The following AHI1 variants were observed in gnomAD, a reference collection of about 807,000 sequenced individuals.
The protein encoded by AHI1 is jouberin.
A neutral mutation model predicts 149.3 loss-of-function variants in AHI1; 123 were observed. That is an observed-to-expected ratio of 0.82 (90% confidence interval 0.71 to 0.96). AHI1 has a LOEUF of 0.96. AHI1 is among the 40% of genes least tolerant of loss of function. The probability of loss-of-function intolerance (pLI) is 0.00; values close to 1 mark genes in which losing one functional copy is unlikely to be tolerated. For missense variants in AHI1, 1,439 were observed against 1,422.7 expected (o/e 1.01, Z -0.18); for synonymous variants, 475 against 459.8 (o/e 1.03, Z -0.42).
chr6:135,385,671 A>G (rs1048751634), intron 23 of AHI1, among the ~76,000 whole-genome samples: 1 of 152,364 alleles, frequency 6.6e-6, no homozygotes, highest in African/African-American at 2.4e-5. Flanking sequence ...TGGAATCAGC[A>G]TATTTGTATG....
intron 7 of AHI1, 146 bp from the exon 8 acceptor site, chr6:135,463,452 T>C (rs1299101192): frequency 1.1e-5 from 7 of 642,456 alleles, no homozygotes; most frequent in African/African-American, 1.9e-5. Flanking sequence ...TGTATTTTCT[T>C]ATACACTAAA....
intron 27 of AHI1, among the ~76,000 whole-genome samples, chr6:135,297,023 T>C (rs1402676482): frequency 2.6e-5 from 4 of 152,208 alleles, no homozygotes; most frequent in East Asian, 1.9e-4. Flanking sequence ...ATTTTCCCAA[T>C]TGGACTGATG....
In AHI1 at chr6:135,367,591, G is replaced by C. The variant is rs117788384; in HGVS notation, c.3110-9404C>G. Among the ~76,000 whole-genome samples, 196 of 152,174 alleles carry C rather than the reference G, an allele frequency of 1.3e-3. No individual in the cohort carries two copies. The Middle Eastern group carries it at 0.017, about 13-fold the overall frequency. ...TGTCTTTGTCGGCTTGGGTCAATTA[G>C]AAAGCCTTGTCTTTCAGCTCTTATG... On this transcript the variant is annotated intron_variant, in intron 23 of 28. Coordinates refer to ENST00000265602, the MANE Select transcript of AHI1 (RefSeq NM_001134831.2).
intron 23 of AHI1, among the ~76,000 whole-genome samples, chr6:135,393,283 A>C (rs1420552535): frequency 6.6e-6 from 1 of 152,174 alleles, no homozygotes; most frequent in Non-Finnish European, 1.5e-5. Flanking sequence ...AATGAAAAAA[A>C]AATTTGTATG....
chr6:135,335,015 T>C (rs1789165492), intron 24 of AHI1, among the ~76,000 whole-genome samples: 1 of 152,222 alleles, frequency 6.6e-6, no homozygotes. Context: ...TTATAAGACA[T>C]ATATACTTAT....
intron 26 of AHI1, chr6:135,302,295 C>T: frequency 2.0e-6 from 2 of 985,492 alleles, no homozygotes; most frequent in Non-Finnish European, 2.4e-6. Context: ...CAGAAATTCT[C>T]ATCAATTTGA....
At chr6:135,494,718 G>T (rs118069305) in intron 3 of AHI1, among the ~76,000 whole-genome samples, 1 of 152,124 alleles carries the variant, frequency 6.6e-6, no homozygotes, top group Non-Finnish European at 1.5e-5. Context: ...CTGAAGATTT[G>T]GGAGTTATTT....
At chr6:135,415,476 T>C (rs571738927) in intron 20 of AHI1, among the ~76,000 whole-genome samples, 2 of 152,316 alleles carry the variant, frequency 1.3e-5, no homozygotes, top group South Asian at 4.1e-4. Context: ...CCAGCACCTG[T>C]TGTTTCCTGA....
At chr6:135,333,920 TA>T (rs1379730046) in intron 24 of AHI1, among the ~76,000 whole-genome samples, 1 of 152,234 alleles carries the variant, frequency 6.6e-6, no homozygotes, top group Non-Finnish European at 1.5e-5. Flanking sequence ...TTGAAAATAT[TA>T]ATTTATTGGA....
intron 20 of AHI1, among the ~76,000 whole-genome samples, chr6:135,419,932 C>T (rs1352026810): frequency 6.6e-6 from 1 of 152,148 alleles, no homozygotes; most frequent in Non-Finnish European, 1.5e-5. Context: ...TTGTTGTCAT[C>T]TCAACAATGT....
intron 27 of AHI1, among the ~76,000 whole-genome samples, chr6:135,296,447 T>G (rs1422220255): frequency 6.6e-6 from 1 of 152,230 alleles, no homozygotes; most frequent in Admixed American, 6.5e-5. Flanking sequence ...AGTCTTATAA[T>G]AGTATATAAG....
rs144861952 is a variant in AHI1, at chr6:135,375,128, A to T, written c.3110-16941T>A. On this transcript the variant is annotated intron_variant, in intron 23 of 28. Transcript: ENST00000265602. ...AAGTCGAGGAGTATCTAGTTGGAAC[A>T]TCCCATGTTGTGTGACAAGACAATG... Among the ~76,000 whole-genome samples, 101 of 152,304 alleles carry T rather than the reference A, an allele frequency of 6.6e-4. 1 individual carries two copies. Among genetic ancestry groups the T allele is most frequent in the Non-Finnish European group, 1.3e-3 (87 of 68,020 alleles).
At chr6:135,297,585 T>C in intron 27 of AHI1, 1 of 450,850 alleles carries the variant, frequency 2.2e-6, no homozygotes, top group Non-Finnish European at 4.5e-6. Context: ...TCATCTGACC[T>C]GTAATGCTTC....
intron 7 of AHI1, 141 bp from the exon 8 acceptor site, chr6:135,463,447 T>C (rs1790247245): frequency 4.6e-6 from 3 of 653,918 alleles, no homozygotes; most frequent in Admixed American, 6.8e-5. Context: ...ATGCATGTAT[T>C]TTCTTATACA....
At chr6:135,374,093 T>C (rs1775482459) in intron 23 of AHI1, among the ~76,000 whole-genome samples, 3 of 19,524 alleles carry the variant, frequency 1.5e-4, no homozygotes. Context: ...TATATATATA[T>C]ATATATATAT....
rs146044077 is a variant in AHI1 at position 135,351,392 on chromosome 6, T to C, written c.3165+6740A>G. ...ACAAATATATCGAGTGAGGTCCTATTTGCATAAACTCATTCCTCATAACAT... is the reference window on the plus strand; with the variant it reads ...ACAAATATATCGAGTGAGGTCCTATCTGCATAAACTCATTCCTCATAACAT... On this transcript the variant is annotated intron_variant, in intron 24 of 28. Coordinates refer to ENST00000265602, the MANE Select transcript of AHI1 (RefSeq NM_001134831.2). Among the ~76,000 whole-genome samples the C allele has an allele frequency of 2.5e-3, 382 of 152,316 alleles. 5 individuals carry two copies. Among genetic ancestry groups the C allele is most frequent in the African/African-American group, 8.4e-3 (350 of 41,574 alleles).
intron 24 of AHI1, among the ~76,000 whole-genome samples, chr6:135,356,776 G>T (rs1240222009): frequency 6.6e-6 from 1 of 151,938 alleles, no homozygotes; most frequent in Non-Finnish European, 1.5e-5. Flanking sequence ...TCTTTTTAAT[G>T]ATTATGCTAA....
intron 18 of AHI1, 63 bp from the exon 19 acceptor site, chr6:135,428,822 A>C (rs1784263882): frequency 3.5e-6 from 5 of 1,423,072 alleles, no homozygotes; most frequent in Non-Finnish European, 3.8e-6. Context: ...TGGTGGTATA[A>C]AATCTTTTCT....
At chr6:135,398,536 C>CA (rs1779578734) in intron 22 of AHI1, among the ~76,000 whole-genome samples, 1 of 152,046 alleles carries the variant, frequency 6.6e-6, no homozygotes, top group Non-Finnish European at 1.5e-5. Context: ...TGATAGGTAC[C>CA]AAGGACTGGT....
Sources: gnomAD v4.1 joint callset for allele counts (sites outside exome capture counted in the v4.1 genomes callset) on GRCh38, gnomAD v4.1.1 for gene constraint, MANE v1.5 for transcripts, NCBI Gene and HGNC (gene_info 2026-07-23, HGNC 2026-07-21) for gene names.